Variants in CYTH3 observed in about 807,000 individuals in gnomAD.
The protein encoded by CYTH3 is cytohesin-3.
In CYTH3, 23 loss-of-function variants were observed where a neutral mutation model predicts 55.1. That is an observed-to-expected ratio of 0.42 (90% CI 0.30 to 0.59). The LOEUF is 0.59. Among genes scored for constraint, CYTH3 ranks in the 20% least tolerant of loss-of-function variants. The pLI is 0.20. For synonymous variants in CYTH3, 249 were observed against 194.9 expected, an observed-to-expected ratio of 1.28 and a Z score of -2.31; for missense variants, 413 against 524.8, an observed-to-expected ratio of 0.79 and a Z score of 2.08.
chr7:6,215,472 C>A (rs555394864), intron 1 of CYTH3, among the ~76,000 whole-genome samples: 1 of 152,040 alleles, frequency 6.6e-6, no homozygotes, highest in Admixed American at 6.5e-5. Context: ...CACCTGTAGT[C>A]CCAGCTAGTC....
rs193119201 is a variant in CYTH3, at chr7:6,268,326, C to A, written c.34+4148G>T. ...GAGATTACAGGCACGCACCACCACTCCCGGCTAATTTTTGTATTTTTTTAG... is the reference window on the plus strand; with the variant it reads ...GAGATTACAGGCACGCACCACCACTACCGGCTAATTTTTGTATTTTTTTAG... On this transcript the variant is annotated intron_variant, in intron 1 of 12. Transcript: ENST00000350796. 2.2e-3 allele frequency among the ~76,000 whole-genome samples: 338 copies of A among 152,278 alleles called. 2 individuals carry two copies. The highest frequency in any genetic ancestry group is 7.7e-3 in the African/African-American group (318 of 41,548).
intron 1 of CYTH3, among the ~76,000 whole-genome samples, chr7:6,208,261 T>C (rs1171526240): frequency 6.6e-6 from 1 of 152,230 alleles, no homozygotes; most frequent in African/African-American, 2.4e-5. Flanking sequence ...TGGTGTTACA[T>C]GTAAAACTAA....
intron 1 of CYTH3, among the ~76,000 whole-genome samples, chr7:6,204,779 A>G (rs1784146141): frequency 6.6e-6 from 1 of 152,216 alleles, no homozygotes; most frequent in African/African-American, 2.4e-5. Flanking sequence ...AGAGTGCTCT[A>G]TGTTTCCTGT....
At position 6,170,557 on chromosome 7, in the gene CYTH3, G is replaced by C. The variant is rs1198170054; in HGVS notation, c.801C>G (p.Arg267=). Reference sequence around the variant, plus strand: ...CACCCAGCTTCAGGAGCCAGCCCTCGCGGTCGGGGTTGAAGAAGGTGTGGG... The same window carrying C: ...CACCCAGCTTCAGGAGCCAGCCCTCCCGGTCGGGGTTGAAGAAGGTGTGGG... ...DLTHTFFNPD[R]EGWLLKLGGR... The change falls in exon 9 of 13, where the codon CGC becomes CGG. Residue 267 remains arginine, a synonymous_variant. Coordinates refer to ENST00000350796, the MANE Select transcript of CYTH3 (RefSeq NM_004227.4). This position sits in a 1 kb window ranked among gnomAD's most constrained non-coding sequence, Gnocchi z 7.8. The C allele has an allele frequency of 6.2e-7, 1 of 1,613,990 alleles. No individual in the cohort carries two copies. The highest frequency in any genetic ancestry group is 8.5e-7 in the Non-Finnish European group (1 of 1,179,878).
intron 1 of CYTH3, among the ~76,000 whole-genome samples, chr7:6,203,585 C>T (rs913738803): frequency 3.3e-5 from 5 of 152,172 alleles, no homozygotes; most frequent in Admixed American, 2.6e-4. Context: ...TGCTGTGTCA[C>T]TAATGCCTTC....
chr7:6,185,388 C>A (rs1476802288), intron 4 of CYTH3, among the ~76,000 whole-genome samples: 1 of 151,170 alleles, frequency 6.6e-6, no homozygotes, highest in African/African-American at 2.5e-5. Flanking sequence ...GAGTTCGAGA[C>A]CAGCCTGGCC....
At chr7:6,235,320 T>C (rs564144941) in intron 1 of CYTH3, among the ~76,000 whole-genome samples, 1 of 152,072 alleles carries the variant, frequency 6.6e-6, no homozygotes, top group East Asian at 1.9e-4. Flanking sequence ...CTACTAAAAA[T>C]ACAAAAATTA....
chr7:6,221,314 G>T (rs1034107313), intron 1 of CYTH3, among the ~76,000 whole-genome samples: 4 of 152,136 alleles, frequency 2.6e-5, no homozygotes, highest in Non-Finnish European at 5.9e-5. Context: ...AACAACCCCA[G>T]TCTGAAAAGG....
intron 1 of CYTH3, among the ~76,000 whole-genome samples, chr7:6,222,262 C>A (rs1229015223): frequency 1.3e-5 from 2 of 152,152 alleles, no homozygotes; most frequent in Non-Finnish European, 2.9e-5. Context: ...AAGATTAGGG[C>A]TTAGTCATTT....
At chr7:6,168,994 C>T (rs1477134211) in intron 9 of CYTH3, among the ~76,000 whole-genome samples, 1 of 152,198 alleles carries the variant, frequency 6.6e-6, no homozygotes, top group Middle Eastern at 3.2e-3. Context: ...CTAGAACACT[C>T]GCACAATGTG....
intron 1 of CYTH3, among the ~76,000 whole-genome samples, chr7:6,258,181 C>G (rs534205256): frequency 6.6e-6 from 1 of 151,378 alleles, no homozygotes; most frequent in East Asian, 1.9e-4. Flanking sequence ...ATTAGCGCAG[C>G]GTGGTGGTGA....
chr7:6,235,484 A>C (rs1388577809), intron 1 of CYTH3, among the ~76,000 whole-genome samples: 4 of 151,838 alleles, frequency 2.6e-5, no homozygotes, highest in Non-Finnish European at 4.4e-5. Context: ...AAAAAAAAAA[A>C]AAAAAAACTG....
chr7:6,259,807 A>T (rs1583204635), intron 1 of CYTH3, among the ~76,000 whole-genome samples: 1 of 26,186 alleles, frequency 3.8e-5, no homozygotes, highest in Admixed American at 6.7e-4. Context: ...ATATATATAT[A>T]TATATAATAT....
At chr7:6,221,426 G>A (rs1412775743) in intron 1 of CYTH3, among the ~76,000 whole-genome samples, 1 of 152,194 alleles carries the variant, frequency 6.6e-6, no homozygotes, top group Non-Finnish European at 1.5e-5. Context: ...TGGTTGAGGA[G>A]AAGACAACTG....
intron 1 of CYTH3, among the ~76,000 whole-genome samples, chr7:6,193,673 TA>T (rs1292892107): frequency 6.6e-6 from 1 of 152,154 alleles, no homozygotes; most frequent in East Asian, 1.9e-4. Flanking sequence ...GAGGGTCAAC[TA>T]AAATAAGGAG....
Position 6,171,682 on chromosome 7 carries a change from C to T in CYTH3, c.450-368G>A, listed in dbSNP as rs929113012. The T allele has an allele frequency of 1.2e-5, 3 of 258,720 alleles. No homozygotes were observed. Among genetic ancestry groups the T allele is most frequent in the Admixed American group, 8.7e-5 (2 of 22,922 alleles). 16.0% of individuals were successfully genotyped at this position (258,720 alleles called of 1,614,324 possible). ...CTGCCTGTCCCGAGCTGCCACCAGCCGGTCCTCCTTTCAGAACTCCCACAC... is the reference window on the plus strand; with the variant it reads ...CTGCCTGTCCCGAGCTGCCACCAGCTGGTCCTCCTTTCAGAACTCCCACAC... On this transcript the variant is annotated intron_variant, in intron 6 of 12. Coordinates refer to ENST00000350796, the MANE Select transcript of CYTH3 (RefSeq NM_004227.4). The surrounding 1 kb of genome is among the most constrained non-coding windows in gnomAD (Gnocchi z 6.7).
chr7:6,180,223 C>T (rs1159077197), intron 4 of CYTH3, among the ~76,000 whole-genome samples: 1 of 152,154 alleles, frequency 6.6e-6, no homozygotes, highest in Non-Finnish European at 1.5e-5. Context: ...CAGCTGAAGC[C>T]CAGGGAACTG....
At chr7:6,220,135 G>A (rs563669146) in intron 1 of CYTH3, among the ~76,000 whole-genome samples, 1 of 152,188 alleles carries the variant, frequency 6.6e-6, no homozygotes, top group African/African-American at 2.4e-5. Context: ...GACCTCAAGT[G>A]ATCTGCCCGC....
chr7:6,179,085 T>G (rs1043700422), intron 4 of CYTH3, among the ~76,000 whole-genome samples: 2 of 152,244 alleles, frequency 1.3e-5, no homozygotes, highest in Non-Finnish European at 2.9e-5. Context: ...TTTCCTATTT[T>G]TTTTAAACAC....
Sources: allele counts gnomAD v4.1 joint callset (sites outside exome capture counted in the v4.1 genomes callset), GRCh38; gene constraint gnomAD v4.1.1; non-coding constraint Gnocchi (gnomAD v3.1); transcripts MANE v1.5; gene names NCBI Gene and HGNC (gene_info 2026-07-23, HGNC 2026-07-21).